The following PM20D2 variants were observed in gnomAD, a reference collection of about 807,000 sequenced individuals.
PM20D2 encodes xaa-Arg dipeptidase.
In PM20D2, 33 loss-of-function variants were observed where a neutral mutation model predicts 42.9. The ratio of observed to expected loss-of-function variants is 0.77; its 90% CI spans 0.58 to 1.03. The LOEUF (loss-of-function observed/expected upper bound fraction) is 1.03. Ranked by LOEUF, PM20D2 falls within the 50% of genes least tolerant of loss-of-function variation. The pLI, the probability that PM20D2 is intolerant of heterozygous loss-of-function variation, is 0.00. For synonymous variants in PM20D2, 250 were observed against 228.2 expected (o/e 1.10, Z -0.86); for missense variants, 548 against 557.0 (o/e 0.98, Z 0.16).
the PM20D2 span, chr6:89,117,858 G>A: frequency 1.3e-6 from 2 of 1,562,286 alleles, no homozygotes; most frequent in East Asian, 2.6e-5. Flanking sequence ...TGAACAGGGA[G>A]GTGTTGGGGG....
the PM20D2 span, chr6:89,106,653 C>G: frequency 5.9e-6 from 1 of 168,984 alleles, no homozygotes; most frequent in Non-Finnish European, 1.3e-5. Context: ...GCTCAAGATA[C>G]ACAATATAAA....
chr6:89,127,331 CT>C, the PM20D2 span, among the ~76,000 whole-genome samples: 72,753 of 136,984 alleles, frequency 0.53, 18,653 homozygotes, highest in East Asian at 0.73. Flanking sequence ...CTGTGAAATG[CT>C]TTTTTTTTTT....
At chr6:89,131,246 G>C in the PM20D2 span, among the ~76,000 whole-genome samples, 1 of 152,046 alleles carries the variant, frequency 6.6e-6, no homozygotes, top group Non-Finnish European at 1.5e-5. Context: ...TCAGAAGGTG[G>C]AGCCCTCATG....
At chr6:89,110,549 G>A in the PM20D2 span, among the ~76,000 whole-genome samples, 1 of 152,170 alleles carries the variant, frequency 6.6e-6, no homozygotes, top group Non-Finnish European at 1.5e-5. Context: ...ACCAGTCAGA[G>A]GTACTTTCCA....
At chr6:89,099,515 TACACACAC>T in the PM20D2 span, among the ~76,000 whole-genome samples, 1 of 133,140 alleles carries the variant, frequency 7.5e-6, no homozygotes, top group Non-Finnish European at 1.5e-5. Context: ...TATATATATA[TACACACAC>T]ACACACACAT....
At chr6:89,157,666 G>T (rs1771096932) in intron 4 of PM20D2, among the ~76,000 whole-genome samples, 1 of 152,224 alleles carries the variant, frequency 6.6e-6, no homozygotes, top group South Asian at 2.1e-4. Context: ...CTCAGAGTGT[G>T]GTTTTTGGGT....
the PM20D2 span, chr6:89,105,321 C>G: frequency 5.0e-5 from 79 of 1,568,556 alleles, no homozygotes; most frequent in Non-Finnish European, 6.7e-5. Flanking sequence ...CAGTAACAAC[C>G]ACTCAACTAG....
chr6:89,094,627 A>C, the PM20D2 span, among the ~76,000 whole-genome samples: 2 of 152,172 alleles, frequency 1.3e-5, no homozygotes, highest in African/African-American at 4.8e-5. Context: ...GGGTATCCTC[A>C]ATATCCTATT....
chr6:89,112,447 CTTTT>C, the PM20D2 span, among the ~76,000 whole-genome samples: 4 of 128,862 alleles, frequency 3.1e-5, no homozygotes, highest in Non-Finnish European at 5.1e-5. Context: ...TCTTTTCTTT[CTTTT>C]TTTTTTTTTT....
chr6:89,107,432 G>C, the PM20D2 span, among the ~76,000 whole-genome samples: 1 of 151,754 alleles, frequency 6.6e-6, no homozygotes, highest in Non-Finnish European at 1.5e-5. Context: ...AAAAAGAAAG[G>C]AAAAAAACAT....
intron 5 of PM20D2, 100 bp downstream of exon 5, chr6:89,158,560 C>T (rs1771130535): frequency 7.4e-7 from 1 of 1,346,070 alleles, no homozygotes; most frequent in Non-Finnish European, 1.0e-6. Context: ...TCGGGAGGTA[C>T]TACTGACGTT....
At chr6:89,102,952 T>C in the PM20D2 span, among the ~76,000 whole-genome samples, 23 of 152,122 alleles carry the variant, frequency 1.5e-4, no homozygotes, top group East Asian at 3.1e-3. Context: ...TTTGTAGACA[T>C]GGGGGTCTCA....
chr6:89,111,109 C>CTT, the PM20D2 span, among the ~76,000 whole-genome samples: 2 of 120,738 alleles, frequency 1.7e-5, no homozygotes, highest in South Asian at 2.5e-4. Flanking sequence ...TGAGACTTGT[C>CTT]TTTTTTTTTT....
At chr6:89,154,980 C>CAG in intron 4 of PM20D2, 78 bp downstream of exon 4, 1 of 1,219,578 alleles carries the variant, frequency 8.2e-7, no homozygotes, top group Non-Finnish European at 1.1e-6. Context: ...TGAAATCTAA[C>CAG]TTGACTCTCT....
the PM20D2 span, chr6:89,097,682 T>G: frequency 1.3e-5 from 2 of 152,042 alleles, no homozygotes; most frequent in Admixed American, 1.3e-4. Context: ...TACTAAACAC[T>G]CTTTCAAAAA....
chr6:89,124,742 T>TTTTTTTG, the PM20D2 span, among the ~76,000 whole-genome samples: 1 of 137,926 alleles, frequency 7.3e-6, no homozygotes, highest in Non-Finnish European at 1.6e-5. Flanking sequence ...TGTTGTTTTT[T>TTTTTTTG]TTTTTTTTTT....
At chr6:89,095,556 T>G in the PM20D2 span, among the ~76,000 whole-genome samples, 1 of 152,266 alleles carries the variant, frequency 6.6e-6, no homozygotes, top group African/African-American at 2.4e-5. Context: ...ATTTTGCCTC[T>G]GGCAATGGGA....
the PM20D2 span, among the ~76,000 whole-genome samples, chr6:89,134,530 T>C: frequency 6.6e-6 from 1 of 151,144 alleles, no homozygotes. Flanking sequence ...GTTACTAAAA[T>C]AGTTAGCAAC....
At position 89,149,207 on chromosome 6, in the gene PM20D2, T is replaced by C. The variant is rs1228540697; in HGVS notation, c.466-58T>C. The C allele has an allele frequency of 6.4e-6, 10 of 1,566,252 alleles. No individual in the cohort carries two copies. In the Admixed American group the frequency reaches 1.8e-4, roughly 28 times the overall value. Reference sequence around the variant, plus strand: ...TGAATACATATGCAGGTGAACCTGTTTGATATATTCCTATGAGGATTTTGT... The same window carrying C: ...TGAATACATATGCAGGTGAACCTGTCTGATATATTCCTATGAGGATTTTGT... On this transcript the variant is annotated intron_variant, in intron 1 of 6. Transcript: ENST00000275072.
Sources: gnomAD v4.1 joint callset for allele counts (sites outside exome capture counted in the v4.1 genomes callset) on GRCh38, gnomAD v4.1.1 for gene constraint, MANE v1.5 for transcripts, NCBI Gene and HGNC (gene_info 2026-07-23, HGNC 2026-07-21) for gene names.